The following CCSER2 variants were observed in gnomAD, a reference collection of about 807,000 sequenced individuals.
The protein encoded by CCSER2 is coiled-coil serine rich protein 2.
A neutral mutation model predicts 92.3 loss-of-function variants in CCSER2; 46 were observed. The ratio of observed to expected loss-of-function variants is 0.50; its 90% CI spans 0.39 to 0.64. CCSER2 has a LOEUF of 0.64. CCSER2 is among the 30% of genes least tolerant of loss of function. The probability of loss-of-function intolerance (pLI) is 0.00; values close to 1 mark genes in which losing one functional copy is unlikely to be tolerated. For synonymous variants in CCSER2, 433 were observed against 431.4 expected (o/e 1.00, Z -0.04); for missense variants, 1,244 against 1,238.9 (o/e 1.00, Z -0.06).
chr10:84,339,472 TAA>T (rs59805161), intron 1 of CCSER2, among the ~76,000 whole-genome samples: 1 of 148,516 alleles, frequency 6.7e-6, no homozygotes. Context: ...TTTTTTTTTT[TAA>T]ATTTATTTTT....
At chr10:84,377,463 A>G (rs1846399674) in intron 3 of CCSER2, among the ~76,000 whole-genome samples, 1 of 152,304 alleles carries the variant, frequency 6.6e-6, no homozygotes, top group East Asian at 1.9e-4. Context: ...CAGTGACTGC[A>G]TATATAAATA....
Position 84,362,992 on chromosome 10 carries a change from A to T in CCSER2, c.-39-8022A>T, listed in dbSNP as rs185616373. On this transcript the variant is annotated intron_variant, in intron 1 of 9. Coordinates refer to ENST00000372088, the MANE Select transcript of CCSER2 (RefSeq NM_001284240.2). ...GCTAGAATTACAGGTGCCTGCCACC[A>T]CGCCCAGCTAATTTTTTTTTTTTTT... Among the ~76,000 whole-genome samples, 247 of 147,690 alleles carry T rather than the reference A, an allele frequency of 1.7e-3. 1 individual carries two copies. Among genetic ancestry groups the T allele is most frequent in the African/African-American group, 5.6e-3 (228 of 40,520 alleles).
At chr10:84,347,758 G>T (rs1844603726) in intron 1 of CCSER2, among the ~76,000 whole-genome samples, 1 of 151,040 alleles carries the variant, frequency 6.6e-6, no homozygotes, top group Non-Finnish European at 1.5e-5. Flanking sequence ...CTGCCGGGCG[G>T]AGGGGCTCCT....
intron 3 of CCSER2, among the ~76,000 whole-genome samples, chr10:84,376,614 G>C (rs1846351894): frequency 6.6e-6 from 1 of 152,000 alleles, no homozygotes; most frequent in Non-Finnish European, 1.5e-5. Flanking sequence ...ATTTAGGTTG[G>C]TTCCAGTTTC....
intron 4 of CCSER2, chr10:84,425,194 C>T: frequency 1.0e-6 from 1 of 981,896 alleles, no homozygotes; most frequent in Non-Finnish European, 1.2e-6. Flanking sequence ...GCTCTTACTG[C>T]AGGCAGATTG....
Position 84,470,400 on chromosome 10 carries a change from A to G in CCSER2, c.2177A>G (p.Gln726Arg). ...GAAGATTTATTAAATGAAATAAAAC[A>G]ACTTAAAGACGAAATAAAGAAAAAA... ...KNEDLLNEIK[Q>R]LKDEIKKKDE... The change falls in exon 8 of 10, where the codon CAA becomes CGA. Residue 726 changes from glutamine (Q) to arginine (R), a missense_variant. Gln to Arg is a conservative substitution (Grantham distance 43). Coordinates refer to ENST00000372088, the MANE Select transcript of CCSER2 (RefSeq NM_001284240.2). 1 of 1,376,296 alleles carries G rather than the reference A, an allele frequency of 7.3e-7. No individual in the cohort carries two copies. Among genetic ancestry groups the G allele is most frequent in the South Asian group, 1.4e-5 (1 of 73,328 alleles). The allele number at this position is 1,376,296 out of a possible 1,614,324, so 85.3% of individuals were successfully genotyped here.
intron 9 of CCSER2, among the ~76,000 whole-genome samples, chr10:84,506,179 C>T (rs1012233139): frequency 3.3e-5 from 5 of 150,558 alleles, no homozygotes; most frequent in Non-Finnish European, 5.9e-5. Flanking sequence ...TGGTCATCAA[C>T]TTAGAAAAGC....
chr10:84,366,945 G>A (rs1845805979), intron 1 of CCSER2, among the ~76,000 whole-genome samples: 1 of 152,156 alleles, frequency 6.6e-6, no homozygotes, highest in African/African-American at 2.4e-5. Flanking sequence ...ATTGTGGAAT[G>A]GAAGTGGTGA....
intron 6 of CCSER2, among the ~76,000 whole-genome samples, chr10:84,454,287 A>G (rs1845472124): frequency 6.6e-6 from 1 of 152,080 alleles, no homozygotes. Context: ...CCCTTCTTAT[A>G]AGGATATCCG....
At chr10:84,337,602 A>T (rs897392844) in intron 1 of CCSER2, among the ~76,000 whole-genome samples, 5 of 152,234 alleles carry the variant, frequency 3.3e-5, no homozygotes, top group African/African-American at 1.2e-4. Flanking sequence ...ACAGGGTGGT[A>T]GCTGGAGGGG....
At chr10:84,499,309 TA>T (rs1455808927) in intron 9 of CCSER2, among the ~76,000 whole-genome samples, 2 of 152,080 alleles carry the variant, frequency 1.3e-5, no homozygotes, top group Non-Finnish European at 2.9e-5. Context: ...CTAATTTTTG[TA>T]GTTTTAGTAA....
intron 3 of CCSER2, among the ~76,000 whole-genome samples, chr10:84,411,751 C>G (rs1842660947): frequency 6.6e-6 from 1 of 152,140 alleles, no homozygotes; most frequent in Admixed American, 6.5e-5. Flanking sequence ...ATCTCATCTG[C>G]AAACAAAGAT....
At chr10:84,434,154 A>T (rs767241064) in intron 5 of CCSER2, among the ~76,000 whole-genome samples, 17 of 151,990 alleles carry the variant, frequency 1.1e-4, no homozygotes, top group Non-Finnish European at 2.2e-4. Context: ...CTTATTTTTT[A>T]TTACCCTTCT....
intron 3 of CCSER2, chr10:84,389,283 CAG>C: frequency 1.9e-6 from 1 of 518,400 alleles, no homozygotes; most frequent in South Asian, 1.4e-5. Context: ...TTAATCGTTC[CAG>C]AGAGTTCTCT....
chr10:84,445,651 A>C (rs1200064762), intron 6 of CCSER2, among the ~76,000 whole-genome samples: 1 of 152,236 alleles, frequency 6.6e-6, no homozygotes, highest in African/African-American at 2.4e-5. Flanking sequence ...ATGGTGGCCA[A>C]TGGATTTCTG....
At chr10:84,457,255 A>T (rs1845698772) in intron 6 of CCSER2, among the ~76,000 whole-genome samples, 1 of 40,728 alleles carries the variant, frequency 2.5e-5, no homozygotes, top group Non-Finnish European at 4.4e-5. Flanking sequence ...TATATATTAT[A>T]TAAAATATAT....
intron 9 of CCSER2, among the ~76,000 whole-genome samples, chr10:84,508,162 G>A (rs1011822904): frequency 6.6e-6 from 1 of 152,142 alleles, no homozygotes; most frequent in South Asian, 2.1e-4. Flanking sequence ...ATTTGAACAC[G>A]TTAACATTTT....
At chr10:84,331,455 C>T (rs1256890863) in intron 1 of CCSER2, among the ~76,000 whole-genome samples, 2 of 152,194 alleles carry the variant, frequency 1.3e-5, no homozygotes, top group African/African-American at 4.8e-5. Flanking sequence ...TCTCCAGATG[C>T]CCCATAACAA....
chr10:84,501,834 A>AAATATATATAT (rs1167460274), intron 9 of CCSER2, among the ~76,000 whole-genome samples: 6 of 40,146 alleles, frequency 1.5e-4, no homozygotes, highest in Non-Finnish European at 2.4e-4. Flanking sequence ...AAAAAAAAAA[A>AAATATATATAT]ATATATATAT....
Sources: allele counts gnomAD v4.1 joint callset (sites outside exome capture counted in the v4.1 genomes callset), GRCh38; gene constraint gnomAD v4.1.1; transcripts MANE v1.5; gene names NCBI Gene and HGNC (gene_info 2026-07-23, HGNC 2026-07-21).